SCAPER: variants seen among roughly 807,000 people sequenced by gnomAD.
SCAPER encodes the protein S-phase cyclin A associated protein in the ER, also known as S phase cyclin A-associated protein in the endoplasmic reticulum.
A neutral mutation model predicts 182.2 loss-of-function variants in SCAPER; 98 were observed. The ratio of observed to expected loss-of-function variants is 0.54; its 90% CI spans 0.46 to 0.64. SCAPER has a LOEUF of 0.64. Among genes scored for constraint, SCAPER ranks in the 30% least tolerant of loss-of-function variants. The pLI, the probability that SCAPER is intolerant of heterozygous loss-of-function variation, is 0.00. For missense variants in SCAPER, 1,432 were observed against 1,690.0 expected (o/e 0.85, Z 2.68); for synonymous variants, 605 against 564.6 (o/e 1.07, Z -1.01).
At chr15:76,640,505 G>C (rs780328449) in intron 21 of SCAPER, among the ~76,000 whole-genome samples, 9 of 152,190 alleles carry the variant, frequency 5.9e-5, no homozygotes, top group Non-Finnish European at 1.2e-4. Flanking sequence ...TGAAGTTTTA[G>C]ATGGTATCTC....
intron 8 of SCAPER, among the ~76,000 whole-genome samples, chr15:76,775,948 C>T (rs1598654526): frequency 6.6e-6 from 1 of 152,274 alleles, no homozygotes; most frequent in South Asian, 2.1e-4. Flanking sequence ...TGGCTAATTA[C>T]AGTCTTTCAA....
At chr15:76,708,518 G>T (rs577183789) in intron 17 of SCAPER, among the ~76,000 whole-genome samples, 2 of 151,984 alleles carry the variant, frequency 1.3e-5, no homozygotes, top group East Asian at 1.9e-4. Context: ...ATACATAAAT[G>T]TAAAAATAGT....
At chr15:76,419,929 A>T (rs1362873195) in intron 26 of SCAPER, among the ~76,000 whole-genome samples, 4 of 152,234 alleles carry the variant, frequency 2.6e-5, no homozygotes, top group Non-Finnish European at 4.4e-5. Flanking sequence ...CATTAAAAAG[A>T]TCATTCACTG....
At chr15:76,804,177 C>G (rs2065974148) in intron 6 of SCAPER, among the ~76,000 whole-genome samples, 1 of 152,188 alleles carries the variant, frequency 6.6e-6, no homozygotes, top group South Asian at 2.1e-4. Flanking sequence ...TCCGCATCCT[C>G]CTGAAATCTT....
In SCAPER at chr15:76,859,972, T is replaced by C. The variant is rs767811583; in HGVS notation, c.125-2093A>G. 4.9e-4 allele frequency among the ~76,000 whole-genome samples: 75 copies of C among 152,272 alleles called. 1 individual carries two copies. The highest frequency in any genetic ancestry group is 8.8e-4 in the Non-Finnish European group (60 of 68,024). The stretch of plus-strand genomic sequence containing the variant: ...CTCAGGCAATCCACCTGCCTCAGCC[T>C]CCCAAAGTGCTAGGATTACAGACGT... On this transcript the variant is annotated intron_variant, in intron 3 of 31. Coordinates refer to ENST00000563290, the MANE Select transcript of SCAPER (RefSeq NM_020843.4).
chr15:76,829,492 G>A (rs2068273321), intron 5 of SCAPER, among the ~76,000 whole-genome samples: 1 of 152,124 alleles, frequency 6.6e-6, no homozygotes, highest in South Asian at 2.1e-4. Flanking sequence ...TAAATACTTA[G>A]CATCACTATC....
In SCAPER at chr15:76,458,390, A is replaced by G. The variant is rs8039827; in HGVS notation, c.3078+12822T>C. Among the ~76,000 whole-genome samples the G allele has an allele frequency of 8.3e-3, 1,264 of 152,102 alleles. 17 individuals carry two copies. Among genetic ancestry groups the G allele is most frequent in the African/African-American group, 0.029 (1,203 of 41,482 alleles). On this transcript the variant is annotated intron_variant, in intron 25 of 31. Coordinates refer to ENST00000563290, the MANE Select transcript of SCAPER (RefSeq NM_020843.4). ...TATATATACACACACATATATATAT[A>G]TCCACAAATACAAACATACACACAC...
At chr15:76,516,699 G>A (rs2042454551) in intron 23 of SCAPER, among the ~76,000 whole-genome samples, 1 of 152,136 alleles carries the variant, frequency 6.6e-6, no homozygotes, top group African/African-American at 2.4e-5. Context: ...CTTTATAGTA[G>A]AATGATTTAT....
chr15:76,822,329 A>G (rs60485802), intron 5 of SCAPER, among the ~76,000 whole-genome samples: 7,467 of 152,324 alleles, frequency 0.049, 224 homozygotes, highest in South Asian at 0.12. Context: ...GTCTTAAAAA[A>G]ATAAAGTCAT....
intron 5 of SCAPER, among the ~76,000 whole-genome samples, chr15:76,835,780 C>T (rs921906357): frequency 7.2e-5 from 11 of 151,910 alleles, no homozygotes; most frequent in Non-Finnish European, 1.2e-4. Context: ...TGATTCTATA[C>T]CTAGAAAACC....
intron 1 of SCAPER, among the ~76,000 whole-genome samples, chr15:76,897,974 C>T (rs2074528229): frequency 6.6e-6 from 1 of 151,860 alleles, no homozygotes; most frequent in East Asian, 1.9e-4. Context: ...CACAGATTAC[C>T]ACAAAGGATT....
At chr15:76,571,306 T>C (rs1381574602) in intron 23 of SCAPER, among the ~76,000 whole-genome samples, 2 of 152,068 alleles carry the variant, frequency 1.3e-5, no homozygotes, top group African/African-American at 4.8e-5. Context: ...GTTGGGAGAG[T>C]TGATACCCAG....
chr15:76,873,327 AAGGAAGGCAGGCAGGCAGGCAGGCAGGC>A (rs1280883596), intron 2 of SCAPER, among the ~76,000 whole-genome samples: 124 of 102,952 alleles, frequency 1.2e-3, no homozygotes, highest in Middle Eastern at 4.7e-3. Flanking sequence ...GGAAGGAAGG[AAGGAAGGCAGGCAGGCAGGCAGGCAGGC>A]AGGCAGGCAG....
intron 25 of SCAPER, among the ~76,000 whole-genome samples, chr15:76,455,161 C>A (rs2048635791): frequency 6.6e-6 from 1 of 152,140 alleles, no homozygotes. Flanking sequence ...TTAACTGCAT[C>A]CCAAACATTT....
At chr15:76,904,337 G>A (rs747895573) in intron 1 of SCAPER, among the ~76,000 whole-genome samples, 1 of 152,194 alleles carries the variant, frequency 6.6e-6, no homozygotes, top group Non-Finnish European at 1.5e-5. Flanking sequence ...AGTTAATGAT[G>A]AAATTAATCC....
At chr15:76,371,262 G>A (rs536365367) in intron 29 of SCAPER, among the ~76,000 whole-genome samples, 1 of 151,758 alleles carries the variant, frequency 6.6e-6, no homozygotes, top group East Asian at 1.9e-4. Context: ...GGCAAGAATA[G>A]TATAAAGAAC....
intron 22 of SCAPER, among the ~76,000 whole-genome samples, chr15:76,581,852 C>A (rs1419337295): frequency 6.6e-6 from 1 of 152,168 alleles, no homozygotes; most frequent in African/African-American, 2.4e-5. Flanking sequence ...TCCCAACATG[C>A]CAGGATTACA....
intron 21 of SCAPER, among the ~76,000 whole-genome samples, chr15:76,646,439 G>T (rs2054554820): frequency 6.6e-6 from 1 of 152,140 alleles, no homozygotes; most frequent in Non-Finnish European, 1.5e-5. Context: ...ATTATACAGT[G>T]AAAAACTATG....
Position 76,788,512 on chromosome 15 carries a change from T to A in SCAPER, c.772+6768A>T, listed in dbSNP as rs531197666. 7.6e-3 allele frequency among the ~76,000 whole-genome samples: 1,152 copies of A among 152,218 alleles called. 19 individuals are homozygous for A. The highest frequency in any genetic ancestry group is 0.026 in the African/African-American group (1,097 of 41,536). On this transcript the variant is annotated intron_variant, in intron 8 of 31. Transcript: ENST00000563290. ...ACATGAATCACTAAAGGTAAAAAAATTTTATTTTCAGGAGAAAACAAAACC... is the reference window on the plus strand; with the variant it reads ...ACATGAATCACTAAAGGTAAAAAAAATTTATTTTCAGGAGAAAACAAAACC...
Sources: gnomAD v4.1 joint callset for allele counts (sites outside exome capture counted in the v4.1 genomes callset) on GRCh38, gnomAD v4.1.1 for gene constraint, MANE v1.5 for transcripts, NCBI Gene and HGNC (gene_info 2026-07-23, HGNC 2026-07-21) for gene names.